The following WDFY3 variants were observed in gnomAD, a reference collection of about 807,000 sequenced individuals.
WDFY3 encodes the protein WD repeat and FYVE domain-containing protein 3.
Under a neutral mutation model 409.6 loss-of-function variants are expected in WDFY3, and 66 were observed. The ratio of observed to expected loss-of-function variants is 0.16; its 90% CI spans 0.13 to 0.20. WDFY3 has a LOEUF of 0.20. Among genes scored for constraint, WDFY3 ranks in the 10% least tolerant of loss-of-function variants. The pLI, the probability that WDFY3 is intolerant of heterozygous loss-of-function variation, is 1.00. For missense variants in WDFY3, 3,031 were observed against 4,298.1 expected (o/e 0.71, Z 8.24); for synonymous variants, 1,521 against 1,537.1 (o/e 0.99, Z 0.25).
intron 67 of WDFY3, among the ~76,000 whole-genome samples, chr4:84,673,450 T>G (rs1725758627): frequency 6.6e-6 from 1 of 152,128 alleles, no homozygotes; most frequent in African/African-American, 2.4e-5. Flanking sequence ...TTCAAGAGAA[T>G]TACTAATGAC....
rs546982783 is a variant in WDFY3 at position 84,669,937 on chromosome 4, A to C, written c.*2931T>G. 1.3e-5 allele frequency: 2 copies of C among 152,670 alleles called. No homozygotes were observed. The highest frequency in any genetic ancestry group is 4.2e-4 in the South Asian group (2 of 4,810). The allele number at this position is 152,670 out of a possible 1,614,324, so 9.5% of individuals were successfully genotyped here. A position where few individuals can be genotyped will look rare whatever the true frequency, so the allele number is the denominator to read the frequency against. ...TAAGAGTCATGCAACAAGTAACCAA[A>C]CTTGCTGAAATTAAAAATACTTTCT... On this transcript the variant is annotated 3_prime_UTR_variant, in exon 68 of 68. Transcript: ENST00000295888.
At chr4:84,844,935 AC>A (rs533150541) in intron 5 of WDFY3, among the ~76,000 whole-genome samples, 107 of 152,328 alleles carry the variant, frequency 7.0e-4, no homozygotes, top group Admixed American at 2.0e-3. Context: ...ATTAAGGGAG[AC>A]AAGGAGACTG....
chr4:84,764,127 G>A (rs1426167199), intron 32 of WDFY3, among the ~76,000 whole-genome samples: 1 of 152,086 alleles, frequency 6.6e-6, no homozygotes, highest in Non-Finnish European at 1.5e-5. Context: ...AACTAATTTT[G>A]CAAACCACAA....
At chr4:84,761,334 G>C (rs1441490941) in intron 32 of WDFY3, among the ~76,000 whole-genome samples, 1 of 152,142 alleles carries the variant, frequency 6.6e-6, no homozygotes, top group African/African-American at 2.4e-5. Context: ...GCTTGGTGCA[G>C]AGCTGAGTTC....
intron 2 of WDFY3, among the ~76,000 whole-genome samples, chr4:84,914,072 G>A (rs538566499): frequency 6.6e-6 from 1 of 152,206 alleles, no homozygotes; most frequent in Non-Finnish European, 1.5e-5. Context: ...TATATTATGT[G>A]TAACATACAA....
intron 66 of WDFY3, among the ~76,000 whole-genome samples, chr4:84,677,961 C>CAAAAAAAAAA (rs986393073): frequency 3.3e-4 from 7 of 21,164 alleles, no homozygotes; most frequent in Non-Finnish European, 4.6e-4. Flanking sequence ...GACCCTGTCT[C>CAAAAAAAAAA]AAAAAAAAAA....
Position 84,669,705 on chromosome 4 carries a change from T to A in WDFY3, c.*3163A>T, listed in dbSNP as rs1280064287. The A allele has an allele frequency of 6.8e-6, 1 of 147,562 alleles. No homozygotes were observed. Among genetic ancestry groups the A allele is most frequent in the Admixed American group, 6.9e-5 (1 of 14,466 alleles). 9.1% of individuals were successfully genotyped at this position (147,562 alleles called of 1,614,324 possible). ...CAGATATCACAGACTGCACACTAGA[T>A]AGTAATTCTTCAGGTCTTTTACATA... On this transcript the variant is annotated 3_prime_UTR_variant, in exon 68 of 68. Coordinates refer to ENST00000295888, the MANE Select transcript of WDFY3 (RefSeq NM_014991.6).
intron 2 of WDFY3, among the ~76,000 whole-genome samples, chr4:84,928,657 T>A (rs962098964): frequency 2.0e-5 from 3 of 152,156 alleles, no homozygotes; most frequent in African/African-American, 7.2e-5. Flanking sequence ...TCCTCACATA[T>A]GGCAGCTAAT....
rs77818435 is a variant in WDFY3 at position 84,699,044 on chromosome 4, GT to G, written c.8597-2222del. Among the ~76,000 whole-genome samples, 555 of 143,218 alleles carry G rather than the reference GT, an allele frequency of 3.9e-3. 1 individual carries two copies. Among genetic ancestry groups the G allele is most frequent in the Middle Eastern group, 0.021 (6 of 284 alleles). 94.0% of individuals were successfully genotyped at this position (143,218 alleles called of 152,430 possible). A position where few individuals can be genotyped will look rare whatever the true frequency, so the allele number is the denominator to read the frequency against. ...TTTTTTCTGTGTGAAGAGGCAAACT[GT>G]TTTTTTTTTTTTCTATTGGGGTGAA... On this transcript the variant is annotated intron_variant, in intron 56 of 67. Transcript: ENST00000295888.
At position 84,757,295 on chromosome 4, in the gene WDFY3, T is replaced by G. The variant is rs138985461; in HGVS notation, c.5189-134A>C. On this transcript the variant is annotated intron_variant, in intron 32 of 67. Transcript: ENST00000295888. Reference sequence around the variant, plus strand: ...ATTCATACTACTATAGGCAATTAAGTATTCAACTGTTGAATTAATCTTCAG... The same window carrying G: ...ATTCATACTACTATAGGCAATTAAGGATTCAACTGTTGAATTAATCTTCAG... 1.3e-3 allele frequency: 947 copies of G among 753,860 alleles called. 7 individuals are homozygous for G. In the African/African-American group the frequency reaches 0.015, roughly 12 times the overall value. The allele number at this position is 753,860 out of a possible 1,614,324, so 46.7% of individuals were successfully genotyped here.
At chr4:84,759,039 A>G (rs1217649501) in intron 32 of WDFY3, among the ~76,000 whole-genome samples, 1 of 152,196 alleles carries the variant, frequency 6.6e-6, no homozygotes, top group African/African-American at 2.4e-5. Flanking sequence ...CAGTTTTCCC[A>G]GCACCATTTA....
chr4:84,789,070 A>G (rs575261688), intron 22 of WDFY3, among the ~76,000 whole-genome samples: 3 of 152,258 alleles, frequency 2.0e-5, no homozygotes, highest in East Asian at 3.9e-4. Context: ...AATGAATACT[A>G]TCTTTTAGAA....
In WDFY3 at chr4:84,671,628, A is replaced by G. The variant is rs1293760223; in HGVS notation, c.*1240T>C. 6.6e-6 allele frequency: 1 copy of G among 152,372 alleles called. No individual in the cohort carries two copies. The highest frequency in any genetic ancestry group is 1.5e-5 in the Non-Finnish European group (1 of 67,986). The allele number at this position is 152,372 out of a possible 1,614,324, so 9.4% of individuals were successfully genotyped here. ...GTGTGTTCTGTATCCAACTAGTAGA[A>G]CAAATTAAATAACTAAATATTAAAA... is the stretch of plus-strand genomic sequence containing the variant. On this transcript the variant is annotated 3_prime_UTR_variant, in exon 68 of 68. Coordinates refer to ENST00000295888, the MANE Select transcript of WDFY3 (RefSeq NM_014991.6).
intron 3 of WDFY3, among the ~76,000 whole-genome samples, chr4:84,884,679 G>A (rs1008009364): frequency 6.6e-6 from 1 of 152,102 alleles, no homozygotes; most frequent in South Asian, 2.1e-4. Flanking sequence ...ATAATTTTTA[G>A]ACTTTGAAAA....
intron 2 of WDFY3, among the ~76,000 whole-genome samples, chr4:84,900,993 G>A (rs564961078): frequency 1.2e-4 from 18 of 152,264 alleles, no homozygotes; most frequent in African/African-American, 3.6e-4. Context: ...GGCAATGGCC[G>A]GTTCACTTGT....
In WDFY3 at chr4:84,860,593, T is replaced by C; in HGVS notation, c.-2A>G. The C allele has an allele frequency of 1.9e-6, 3 of 1,596,602 alleles. No individual in the cohort carries two copies. Among genetic ancestry groups the C allele is most frequent in the Non-Finnish European group, 1.7e-6 (2 of 1,167,774 alleles). On this transcript the variant is annotated 5_prime_UTR_variant, in exon 4 of 68. Coordinates refer to ENST00000295888, the MANE Select transcript of WDFY3 (RefSeq NM_014991.6). ...CATGATCCTCTTCACCATGTTCATC[T>C]TGGCTGGTTGGTGAGACGCACTTCT...
chr4:84,730,783 TA>T lies in WDFY3; in HGVS notation c.7221+2598del, dbSNP rs35801928. Among the ~76,000 whole-genome samples, 58 of 149,430 alleles carry T rather than the reference TA, an allele frequency of 3.9e-4. No homozygotes were observed. In the South Asian group the frequency reaches 5.3e-3, roughly 14 times the overall value. On this transcript the variant is annotated intron_variant, in intron 44 of 67. Coordinates refer to ENST00000295888, the MANE Select transcript of WDFY3 (RefSeq NM_014991.6). ...TAAGACTAACAATAGCTGATGAGTT[TA>T]AAAAAAAAATCTCTCTCTCTGTATT...
Position 84,695,943 on chromosome 4 carries a change from T to C in WDFY3, c.8901+27A>G, listed in dbSNP as rs1186899696. On this transcript the variant is annotated intron_variant, in intron 58 of 67. Coordinates refer to ENST00000295888, the MANE Select transcript of WDFY3 (RefSeq NM_014991.6). ...ATGTTACAAAATGAAACAGAGTACATCAATGACAAGAAAAAAACATCCATA... is the reference window on the plus strand; with the variant it reads ...ATGTTACAAAATGAAACAGAGTACACCAATGACAAGAAAAAAACATCCATA... The C allele has an allele frequency of 2.5e-6, 4 of 1,596,758 alleles. No individual in the cohort carries two copies. In the East Asian group the frequency reaches 6.7e-5, roughly 27 times the overall value.
chr4:84,817,324 T>A, intron 13 of WDFY3, 68 bp downstream of exon 13: 1 of 1,583,918 alleles, frequency 6.3e-7, no homozygotes, highest in South Asian at 1.1e-5. Flanking sequence ...CTAACTTAAA[T>A]ACAGATCATC....
Sources: allele counts gnomAD v4.1 joint callset (sites outside exome capture counted in the v4.1 genomes callset), GRCh38; gene constraint gnomAD v4.1.1; transcripts MANE v1.5; gene names NCBI Gene and HGNC (gene_info 2026-07-23, HGNC 2026-07-21).